ADPGK: variants seen among roughly 807,000 people sequenced by gnomAD.
The protein encoded by ADPGK is ADP dependent glucokinase, also known as ADP-dependent glucokinase.
Under a neutral mutation model 42.4 loss-of-function variants are expected in ADPGK, and 26 were observed. The observed-to-expected ratio is 0.61, with a 90% CI of 0.45 to 0.85. The LOEUF is 0.85. Among genes scored for constraint, ADPGK ranks in the 40% least tolerant of loss-of-function variants. ADPGK has a pLI of 0.00. For synonymous variants in ADPGK, 267 were observed against 252.6 expected (o/e 1.06, Z -0.54); for missense variants, 571 against 627.0 (o/e 0.91, Z 0.95).
At chr15:72,752,929 G>A in intron 6 of ADPGK, 34 bp from the exon 7 acceptor site, 1 of 1,566,952 alleles carries the variant, frequency 6.4e-7, no homozygotes, top group Admixed American at 1.8e-5. Flanking sequence ...CTTTCTGATG[G>A]AGATAACCTG....
intron 1 of ADPGK, among the ~76,000 whole-genome samples, chr15:72,775,321 C>G (rs2066378664): frequency 6.6e-6 from 1 of 152,190 alleles, no homozygotes. Context: ...ATTTGGCAAA[C>G]TTTTACACTA....
At chr15:72,772,660 T>A (rs2066342645) in intron 2 of ADPGK, among the ~76,000 whole-genome samples, 1 of 152,188 alleles carries the variant, frequency 6.6e-6, no homozygotes, top group African/African-American at 2.4e-5. Flanking sequence ...GACTGTCTTC[T>A]TCTGAAGTGT....
chr15:72,761,485 T>G (rs946960230), intron 3 of ADPGK, among the ~76,000 whole-genome samples: 2 of 152,122 alleles, frequency 1.3e-5, no homozygotes, highest in African/African-American at 4.8e-5. Flanking sequence ...CTCTGCAACT[T>G]TTCCAAAACC....
At position 72,767,645 on chromosome 15, in the gene ADPGK, A is replaced by T. The variant is rs555365437; in HGVS notation, c.522+4138T>A. ...TGAAATAGAAATCAGTAACAGAAAG[A>T]CATCTGGAAAATCCCCAAATATTTA... On this transcript the variant is annotated intron_variant, in intron 3 of 6. Transcript: ENST00000456471. Among the ~76,000 whole-genome samples the T allele has an allele frequency of 2.8e-4, 43 of 152,342 alleles. No homozygotes were observed. In the South Asian group the frequency reaches 7.5e-3, roughly 26 times the overall value.
intron 5 of ADPGK, 104 bp downstream of exon 5, chr15:72,756,147 C>T: frequency 1.4e-6 from 2 of 1,428,170 alleles, no homozygotes; most frequent in Non-Finnish European, 2.0e-6. Context: ...AGATATGTCC[C>T]TGGGAGGCCA....
chr15:72,759,082 C>T lies in ADPGK; in HGVS notation c.643+1325G>A, dbSNP rs531075707. 1.4e-4 allele frequency among the ~76,000 whole-genome samples: 22 copies of T among 152,266 alleles called. 1 individual carries two copies. The highest frequency in any genetic ancestry group is 1.2e-3 in the Admixed American group (19 of 15,294). On this transcript the variant is annotated intron_variant, in intron 4 of 6. Transcript: ENST00000456471. Reference sequence around the variant, plus strand: ...CCTACTGAGTAGCTGGGATTATAGGCGCCCGCCTCCACACCTGGCTAATTT... The same window carrying T: ...CCTACTGAGTAGCTGGGATTATAGGTGCCCGCCTCCACACCTGGCTAATTT...
In ADPGK at chr15:72,783,610, GC is replaced by G. The variant is rs1164776226; in HGVS notation, c.81del (p.Pro28GlnfsTer63). ...CAGAGAGAGCGCAGCGCCGAGCCTG[GC>G]AGCTCTGGCTCCAGCAGGAAGACGC... ...VGCVFLLEPE[L>X]PGSALRSLWS... On this transcript the variant is annotated frameshift_variant, in exon 1 of 7. Coordinates refer to ENST00000456471, the MANE Select transcript of ADPGK (RefSeq NM_001365225.1). LOFTEE classifies it high-confidence loss of function. 4.2e-5 allele frequency: 64 copies of G among 1,516,220 alleles called. No individual in the cohort carries two copies. The highest frequency in any genetic ancestry group is 5.3e-5 in the Non-Finnish European group (61 of 1,140,188). 93.9% of individuals were successfully genotyped at this position (1,516,220 alleles called of 1,614,324 possible). A position where few individuals can be genotyped will look rare whatever the true frequency, so the allele number is the denominator to read the frequency against.
At chr15:72,763,487 A>G (rs2066221584) in intron 3 of ADPGK, among the ~76,000 whole-genome samples, 1 of 152,210 alleles carries the variant, frequency 6.6e-6, no homozygotes, top group East Asian at 1.9e-4. Context: ...TACCCAGCCA[A>G]AAATATGGAT....
At chr15:72,766,823 G>A (rs1359525629) in intron 3 of ADPGK, among the ~76,000 whole-genome samples, 3 of 151,922 alleles carry the variant, frequency 2.0e-5, no homozygotes, top group Non-Finnish European at 4.4e-5. Flanking sequence ...AGTCAGAGAA[G>A]ATAAAATGAA....
intron 1 of ADPGK, among the ~76,000 whole-genome samples, chr15:72,780,384 C>A (rs1424190745): frequency 1.3e-5 from 2 of 152,172 alleles, no homozygotes; most frequent in African/African-American, 4.8e-5. Context: ...AATGGGGGAA[C>A]CGCCCCCATG....
intron 3 of ADPGK, among the ~76,000 whole-genome samples, chr15:72,765,119 C>A (rs2066242151): frequency 6.6e-6 from 1 of 152,196 alleles, no homozygotes; most frequent in South Asian, 2.1e-4. Flanking sequence ...AATGCAACAT[C>A]CATTCTGCAA....
chr15:72,783,513 G>A lies in ADPGK; in HGVS notation c.179C>T (p.Ala60Val). 6.8e-7 allele frequency: 1 copy of A among 1,472,886 alleles called. No individual in the cohort carries two copies. The highest frequency in any genetic ancestry group is 8.9e-7 in the Non-Finnish European group (1 of 1,119,192). The allele number at this position is 1,472,886 out of a possible 1,614,324, so 91.2% of individuals were successfully genotyped here. A position where few individuals can be genotyped will look rare whatever the true frequency, so the allele number is the denominator to read the frequency against. ...TGGCCGCACGATAAGCGCGTCCCAG[G>A]CTGCCGCCAACCGGCCCTCGGGGGA... ...PVSPEGRLAA[A>V]WDALIVRPVR... The change falls in exon 1 of 7, where the codon GCC becomes GTC. Residue 60 changes from alanine to valine, a missense_variant. Coordinates refer to ENST00000456471, the MANE Select transcript of ADPGK (RefSeq NM_001365225.1).
At chr15:72,769,499 C>T (rs1259748306) in intron 3 of ADPGK, among the ~76,000 whole-genome samples, 1 of 152,174 alleles carries the variant, frequency 6.6e-6, no homozygotes, top group Non-Finnish European at 1.5e-5. Flanking sequence ...GCGCCTGCCA[C>T]CATGCCCAGC....
intron 3 of ADPGK, among the ~76,000 whole-genome samples, chr15:72,761,634 C>T (rs2151076772): frequency 6.6e-6 from 1 of 152,186 alleles, no homozygotes; most frequent in African/African-American, 2.4e-5. Context: ...TTCAAAACCA[C>T]TGAACAATGA....
chr15:72,752,851 C>G lies in ADPGK; in HGVS notation c.984G>C (p.Glu328Asp). The change falls in exon 7 of 7, where the codon GAG becomes GAC. Residue 328 changes from glutamate to aspartate, a missense_variant. By Grantham distance (45) the Glu-to-Asp change is conservative (BLOSUM62 2). Transcript: ENST00000456471. ...AGGCTGACTGGGTGAGAAATAACAG[C>G]TCCTGTTCATTCAGCCCAAGGGAAG... ...AVTSLGLNEQ[E>D]LLFLTQSASG... The G allele has an allele frequency of 6.2e-7, 1 of 1,614,180 alleles. No homozygotes were observed. The highest frequency in any genetic ancestry group is 8.5e-7 in the Non-Finnish European group (1 of 1,180,034).
intron 3 of ADPGK, among the ~76,000 whole-genome samples, chr15:72,761,400 T>G (rs1377338549): frequency 1.3e-5 from 2 of 152,220 alleles, no homozygotes; most frequent in African/African-American, 2.4e-5. Flanking sequence ...ATTACTGAAC[T>G]GTTAAGTGAA....
chr15:72,778,042 A>C (rs1279348892), intron 1 of ADPGK, among the ~76,000 whole-genome samples: 1 of 152,096 alleles, frequency 6.6e-6, no homozygotes, highest in Non-Finnish European at 1.5e-5. Context: ...TGAGCCTAGG[A>C]GTTCCAGACC....
chr15:72,769,866 T>C (rs1393607765), intron 3 of ADPGK, among the ~76,000 whole-genome samples: 1 of 152,196 alleles, frequency 6.6e-6, no homozygotes, highest in Non-Finnish European at 1.5e-5. Flanking sequence ...ATCTGCAAAA[T>C]GGGGATAATA....
intron 6 of ADPGK, among the ~76,000 whole-genome samples, chr15:72,755,034 G>C (rs2066094014): frequency 6.6e-6 from 1 of 152,180 alleles, no homozygotes; most frequent in Non-Finnish European, 1.5e-5. Context: ...GGTAACACTA[G>C]ATTGCCAGGT....
Sources: gnomAD v4.1 joint callset for allele counts (sites outside exome capture counted in the v4.1 genomes callset) on GRCh38, gnomAD v4.1.1 for gene constraint, MANE v1.5 for transcripts, NCBI Gene and HGNC (gene_info 2026-07-23, HGNC 2026-07-21) for gene names.